NKAIN2: variants seen among roughly 807,000 people sequenced by gnomAD.
NKAIN2 encodes sodium/potassium transporting ATPase interacting 2.
Under a neutral mutation model 32.6 loss-of-function variants are expected in NKAIN2, and 14 were observed. That is an observed-to-expected ratio of 0.43 (90% CI 0.28 to 0.67). NKAIN2 has a LOEUF of 0.67. Ranked by LOEUF, NKAIN2 falls within the 30% of genes least tolerant of loss-of-function variation. The pLI is 0.17. For synonymous variants in NKAIN2, 80 were observed against 87.2 expected (o/e 0.92, Z 0.46); for missense variants, 198 against 258.3 (o/e 0.77, Z 1.60).
At chr6:123,902,670 T>G (rs1774661879) in intron 1 of NKAIN2, among the ~76,000 whole-genome samples, 1 of 152,174 alleles carries the variant, frequency 6.6e-6, no homozygotes, top group South Asian at 2.1e-4. Flanking sequence ...TTGGGCATAA[T>G]ACATTCCAAA....
chr6:124,054,075 A>C (rs1157675844), intron 1 of NKAIN2, among the ~76,000 whole-genome samples: 9 of 152,228 alleles, frequency 5.9e-5, no homozygotes, highest in Non-Finnish European at 1.2e-4. Flanking sequence ...TCATCTTCAC[A>C]ACAGTACTTC....
At chr6:124,085,539 G>A (rs1463349364) in intron 1 of NKAIN2, among the ~76,000 whole-genome samples, 3 of 151,904 alleles carry the variant, frequency 2.0e-5, no homozygotes, top group Non-Finnish European at 4.4e-5. Context: ...TGGTCTTGGT[G>A]AGTGGAACAC....
Position 123,987,262 on chromosome 6 carries a change from T to C in NKAIN2, c.54+183008T>C, listed in dbSNP as rs370665613. Among the ~76,000 whole-genome samples, 110 of 152,214 alleles carry C rather than the reference T, an allele frequency of 7.2e-4. 1 individual carries two copies. Among genetic ancestry groups the C allele is most frequent in the African/African-American group, 2.5e-3 (104 of 41,554 alleles). On this transcript the variant is annotated intron_variant, in intron 1 of 6. Coordinates refer to ENST00000368417, the MANE Select transcript of NKAIN2 (RefSeq NM_001040214.3). ...TTCCACATTAGTTATTTTTTTAAGG[T>C]GGGTTTTCTTTCACAGTAGAAAGCC... is the stretch of plus-strand genomic sequence containing the variant.
intron 1 of NKAIN2, among the ~76,000 whole-genome samples, chr6:123,831,239 T>G (rs993277345): frequency 1.3e-5 from 2 of 152,070 alleles, no homozygotes; most frequent in African/African-American, 4.8e-5. Flanking sequence ...ATAATATACT[T>G]GGCAATTGCA....
chr6:123,910,107 A>G (rs1050960246), intron 1 of NKAIN2, among the ~76,000 whole-genome samples: 2 of 152,162 alleles, frequency 1.3e-5, no homozygotes, highest in Non-Finnish European at 2.9e-5. Context: ...AGAGAGTCAC[A>G]TATCTTATAT....
chr6:124,658,392 T>C lies in NKAIN2; in HGVS notation c.474+6T>C. The C allele has an allele frequency of 6.2e-7, 1 of 1,614,132 alleles. No individual in the cohort carries two copies. Among genetic ancestry groups the C allele is most frequent in the Non-Finnish European group, 8.5e-7 (1 of 1,180,016 alleles). On this transcript the variant is annotated splice_donor_region_variant and intron_variant, in intron 4 of 6. Transcript: ENST00000368417. ...CCCTCCAGATTGTCCTCGCAGTAAGTGTTGGCAGCCAACCGCTCCTTCTAG... is the reference window on the plus strand; with the variant it reads ...CCCTCCAGATTGTCCTCGCAGTAAGCGTTGGCAGCCAACCGCTCCTTCTAG...
chr6:123,890,096 C>G (rs1470784720), intron 1 of NKAIN2, among the ~76,000 whole-genome samples: 2 of 151,928 alleles, frequency 1.3e-5, no homozygotes, highest in Non-Finnish European at 2.9e-5. Context: ...AATTAGGATG[C>G]TTTTGTTATC....
intron 1 of NKAIN2, among the ~76,000 whole-genome samples, chr6:124,073,234 C>T (rs543696351): frequency 6.6e-6 from 1 of 152,210 alleles, no homozygotes; most frequent in Non-Finnish European, 1.5e-5. Flanking sequence ...TTGCTGTCAG[C>T]AGCCCACACT....
intron 3 of NKAIN2, among the ~76,000 whole-genome samples, chr6:124,611,015 CATTAA>C (rs1782668953): frequency 6.6e-6 from 1 of 152,110 alleles, no homozygotes; most frequent in Non-Finnish European, 1.5e-5. Flanking sequence ...TCTTAATTTG[CATTAA>C]ATTAAAGGCC....
rs765815231 is a variant in NKAIN2 at position 124,809,704 on chromosome 6, A to G, written c.536-8683A>G. The stretch of plus-strand genomic sequence containing the variant: ...CATCAGAGTGAACAGGCAACCCACA[A>G]AATGGGAGAAAATTTTCACAACCTA... On this transcript the variant is annotated intron_variant, in intron 5 of 6. Coordinates refer to ENST00000368417, the MANE Select transcript of NKAIN2 (RefSeq NM_001040214.3). Among the ~76,000 whole-genome samples the G allele has an allele frequency of 6.5e-3, 989 of 151,830 alleles. 1 individual carries two copies. The highest frequency in any genetic ancestry group is 9.4e-3 in the Non-Finnish European group (636 of 67,898).
rs1014316660 is a variant in NKAIN2, at chr6:124,591,871, TAGAG to T, written c.274-66314_274-66311del. On this transcript the variant is annotated intron_variant, in intron 3 of 6. Coordinates refer to ENST00000368417, the MANE Select transcript of NKAIN2 (RefSeq NM_001040214.3). ...ATGAACAGGAAGAAAATCTTGTCCT[TAGAG>T]GGAGTGGAGCAGTAGAGAGAAGAGG... Among the ~76,000 whole-genome samples the T allele has an allele frequency of 8.5e-5, 13 of 152,162 alleles. 1 individual carries two copies. The highest frequency in any genetic ancestry group is 8.5e-4 in the Admixed American group (13 of 15,270).
chr6:124,602,298 CATCTT>C lies in NKAIN2; in HGVS notation c.274-55885_274-55881del, dbSNP rs10569907. 6.5e-3 allele frequency among the ~76,000 whole-genome samples: 982 copies of C among 152,030 alleles called. 12 individuals carry two copies. The highest frequency in any genetic ancestry group is 0.023 in the African/African-American group (943 of 41,500). On this transcript the variant is annotated intron_variant, in intron 3 of 6. Transcript: ENST00000368417. Reference sequence around the variant, plus strand: ...CTATTTGTAAGTGTGAAGACTAACTCATCTTATAGCATTTTTTACATGAAAGTCCC... The same window carrying C: ...CTATTTGTAAGTGTGAAGACTAACTCATAGCATTTTTTACATGAAAGTCCC...
intron 1 of NKAIN2, among the ~76,000 whole-genome samples, chr6:124,094,251 C>A (rs1390264623): frequency 6.6e-6 from 1 of 152,080 alleles, no homozygotes; most frequent in Non-Finnish European, 1.5e-5. Context: ...CTAGTTGTTG[C>A]ATGAACTTAT....
chr6:124,395,271 G>T (rs1257976328), intron 3 of NKAIN2, among the ~76,000 whole-genome samples: 1 of 152,052 alleles, frequency 6.6e-6, no homozygotes, highest in African/African-American at 2.4e-5. Flanking sequence ...CCAAGTCATA[G>T]GTGATTCCAG....
chr6:124,029,862 C>A, intron 1 of NKAIN2, among the ~76,000 whole-genome samples: 1 of 152,076 alleles, frequency 6.6e-6, no homozygotes, highest in East Asian at 1.9e-4. Context: ...ATTAGATTCT[C>A]ATAGGACTGA....
chr6:123,845,997 A>G (rs773018899), intron 1 of NKAIN2, among the ~76,000 whole-genome samples: 1 of 151,928 alleles, frequency 6.6e-6, no homozygotes, highest in African/African-American at 2.4e-5. Context: ...ACTCATCCCA[A>G]TCTCTCTTTT....
chr6:124,509,355 A>G (rs556452460), intron 3 of NKAIN2, among the ~76,000 whole-genome samples: 1 of 152,356 alleles, frequency 6.6e-6, no homozygotes, highest in South Asian at 2.1e-4. Flanking sequence ...AAAGAAGACA[A>G]TGCCAGCTAC....
chr6:124,202,643 C>T (rs1376203585), intron 1 of NKAIN2, among the ~76,000 whole-genome samples: 1 of 151,778 alleles, frequency 6.6e-6, no homozygotes, highest in African/African-American at 2.4e-5. Context: ...CATTTAACAC[C>T]TTTGAATGTT....
At chr6:123,853,094 G>A (rs4897556) in intron 1 of NKAIN2, among the ~76,000 whole-genome samples, 147,775 of 152,292 alleles carry the variant, frequency 0.97, 71,755 homozygotes, top group Non-Finnish European at 0.99. Context: ...GATACTGTGT[G>A]CCACAGAGTA....
Sources: allele counts gnomAD v4.1 joint callset (sites outside exome capture counted in the v4.1 genomes callset), GRCh38; gene constraint gnomAD v4.1.1; transcripts MANE v1.5; gene names NCBI Gene and HGNC (gene_info 2026-07-23, HGNC 2026-07-21).